FGF12: variants seen among roughly 807,000 people sequenced by gnomAD.
FGF12 encodes fibroblast growth factor 12.
FGF12 carries 14 observed loss-of-function variants against 23.6 expected under a neutral mutation model. That is an observed-to-expected ratio of 0.59 (90% CI 0.39 to 0.93). FGF12 has a LOEUF of 0.93. Among genes scored for constraint, FGF12 ranks in the 40% least tolerant of loss-of-function variants. The probability of loss-of-function intolerance (pLI) is 0.00; values close to 1 mark genes in which losing one functional copy is unlikely to be tolerated. For synonymous variants in FGF12, 62 were observed against 77.3 expected, an observed-to-expected ratio of 0.80 and a Z score of 1.04; for missense variants, 175 against 217.8, an observed-to-expected ratio of 0.80 and a Z score of 1.24.
At chr3:192,325,597 G>A (rs1371414056) in intron 4 of FGF12, among the ~76,000 whole-genome samples, 1 of 152,104 alleles carries the variant, frequency 6.6e-6, no homozygotes, top group African/African-American at 2.4e-5. Flanking sequence ...GAGAAAGTAC[G>A]TTGATAAGGA....
chr3:192,313,561 C>G (rs564877345), intron 4 of FGF12, among the ~76,000 whole-genome samples: 21 of 152,322 alleles, frequency 1.4e-4, no homozygotes, highest in Admixed American at 1.3e-3. Flanking sequence ...ACTCATCAAG[C>G]AATAAGCTTC....
At chr3:192,293,815 T>G (rs976812590) in intron 4 of FGF12, among the ~76,000 whole-genome samples, 2 of 152,210 alleles carry the variant, frequency 1.3e-5, no homozygotes, top group Non-Finnish European at 2.9e-5. Context: ...TTATAAACAA[T>G]ATAACTTTAT....
intron 2 of FGF12, among the ~76,000 whole-genome samples, chr3:192,717,619 A>G (rs964259181): frequency 2.6e-5 from 4 of 152,214 alleles, no homozygotes; most frequent in South Asian, 2.1e-4. Context: ...GCTTTATGGG[A>G]AAAAAACTGT....
chr3:192,488,945 A>G (rs1230504669), intron 2 of FGF12, among the ~76,000 whole-genome samples: 1 of 152,094 alleles, frequency 6.6e-6, no homozygotes, highest in Non-Finnish European at 1.5e-5. Context: ...ATAAAGTCAC[A>G]TGAAAGACCA....
At chr3:192,724,472 AC>A (rs1475393516) in intron 2 of FGF12, among the ~76,000 whole-genome samples, 1 of 152,132 alleles carries the variant, frequency 6.6e-6, no homozygotes, top group Non-Finnish European at 1.5e-5. Context: ...TGTGCAGCAA[AC>A]TTTGTGAACC....
At chr3:192,321,887 C>A (rs535167124) in intron 4 of FGF12, among the ~76,000 whole-genome samples, 1 of 152,172 alleles carries the variant, frequency 6.6e-6, no homozygotes, top group African/African-American at 2.4e-5. Context: ...AGCAGAAAGT[C>A]TTTCTCTAAG....
intron 2 of FGF12, among the ~76,000 whole-genome samples, chr3:192,461,867 G>A (rs1722873734): frequency 6.6e-6 from 1 of 152,024 alleles, no homozygotes; most frequent in South Asian, 2.1e-4. Flanking sequence ...GTGCGTGCCT[G>A]TAATTCCAGC....
chr3:192,445,814 C>T (rs1348568400), intron 2 of FGF12, among the ~76,000 whole-genome samples: 1 of 152,162 alleles, frequency 6.6e-6, no homozygotes, highest in Non-Finnish European at 1.5e-5. Flanking sequence ...AAACAAACCT[C>T]CCACCTTCCC....
Position 192,255,109 on chromosome 3 carries a change from C to G in FGF12, c.228+80252G>C, listed in dbSNP as rs184152644. 1.2e-3 allele frequency among the ~76,000 whole-genome samples: 175 copies of G among 152,044 alleles called. 2 individuals are homozygous for G. The highest frequency in any genetic ancestry group is 4.0e-3 in the African/African-American group (166 of 41,520). On this transcript the variant is annotated intron_variant, in intron 4 of 5. Coordinates refer to ENST00000445105, the MANE Select transcript of FGF12 (RefSeq NM_004113.6). ...AGAAAAATACTTTAATTGCTGATGCCTCAGTTTCCTTATCTGTAAAATGTG... is the reference window on the plus strand; with the variant it reads ...AGAAAAATACTTTAATTGCTGATGCGTCAGTTTCCTTATCTGTAAAATGTG...
At chr3:192,564,396 G>A (rs1712187763) in intron 2 of FGF12, among the ~76,000 whole-genome samples, 1 of 152,118 alleles carries the variant, frequency 6.6e-6, no homozygotes, top group Non-Finnish European at 1.5e-5. Context: ...ACATCTAGAA[G>A]TTCCAGATGC....
chr3:192,269,327 C>G (rs1011746251), intron 4 of FGF12, among the ~76,000 whole-genome samples: 2 of 152,150 alleles, frequency 1.3e-5, no homozygotes, highest in Non-Finnish European at 2.9e-5. Flanking sequence ...TTTTATTTCT[C>G]TATATTCTCC....
At chr3:192,305,688 A>T (rs1715598247) in intron 4 of FGF12, among the ~76,000 whole-genome samples, 1 of 145,630 alleles carries the variant, frequency 6.9e-6, no homozygotes, top group African/African-American at 2.5e-5. Context: ...AAATATATAT[A>T]TATATATAAA....
At chr3:192,660,249 C>T (rs1716602558) in intron 2 of FGF12, among the ~76,000 whole-genome samples, 1 of 151,108 alleles carries the variant, frequency 6.6e-6, no homozygotes, top group Non-Finnish European at 1.5e-5. Context: ...TCTCAGCAAA[C>T]TATCGCAAGG....
chr3:192,392,156 A>G (rs902071599), intron 2 of FGF12, among the ~76,000 whole-genome samples: 2 of 152,210 alleles, frequency 1.3e-5, no homozygotes, highest in Non-Finnish European at 2.9e-5. Context: ...TGTTTCTCAG[A>G]AGACTTGAAT....
Position 192,164,940 on chromosome 3 carries a change from CTTTA to C in FGF12, c.427+5514_427+5517del, listed in dbSNP as rs1260596424. ...CCCTATGGAAAAATATTATCGAAAA[CTTTA>C]TTTATTTATTTATTCACTTATTTTT... is the stretch of plus-strand genomic sequence containing the variant. On this transcript the variant is annotated intron_variant, in intron 5 of 5. Transcript: ENST00000445105. 7.2e-5 allele frequency among the ~76,000 whole-genome samples: 11 copies of C among 152,032 alleles called. No homozygotes were observed. The South Asian group carries it at 1.0e-3, about 14-fold the overall frequency.
At position 192,174,817 on chromosome 3, in the gene FGF12, A is replaced by C. The variant is rs1715768263; in HGVS notation, c.229-4161T>G. On this transcript the variant is annotated intron_variant, in intron 4 of 5. Coordinates refer to ENST00000445105, the MANE Select transcript of FGF12 (RefSeq NM_004113.6). ...CTGTGGATTTTAGGTAAGTGATTAC[A>C]ATTCTCTAAATTTCACATTTTCAAC... Among the ~76,000 whole-genome samples, 3 of 152,078 alleles carry C rather than the reference A, an allele frequency of 2.0e-5. No homozygotes were observed. The South Asian group carries it at 6.2e-4, about 31-fold the overall frequency.
At chr3:192,180,274 T>C (rs747523892) in intron 4 of FGF12, among the ~76,000 whole-genome samples, 9 of 152,060 alleles carry the variant, frequency 5.9e-5, no homozygotes, top group Non-Finnish European at 1.2e-4. Context: ...AGAAGTGAGG[T>C]GGGAGAAAGC....
intron 2 of FGF12, among the ~76,000 whole-genome samples, chr3:192,636,353 C>T (rs1715583072): frequency 6.6e-6 from 1 of 152,158 alleles, no homozygotes; most frequent in African/African-American, 2.4e-5. Context: ...TTTGAGGGTT[C>T]AAATGCCACA....
intron 2 of FGF12, among the ~76,000 whole-genome samples, chr3:192,440,226 G>A (rs1162823825): frequency 6.6e-6 from 1 of 152,136 alleles, no homozygotes. Context: ...TGTTATAAGA[G>A]CAACAGGAAA....
Sources: gnomAD v4.1 joint callset for allele counts (sites outside exome capture counted in the v4.1 genomes callset) on GRCh38, gnomAD v4.1.1 for gene constraint, MANE v1.5 for transcripts, NCBI Gene and HGNC (gene_info 2026-07-23, HGNC 2026-07-21) for gene names.